The following NDST3 variants were observed in gnomAD, a reference collection of about 807,000 sequenced individuals.
NDST3 encodes N-deacetylase and N-sulfotransferase 3.
Under a neutral mutation model 96.1 loss-of-function variants are expected in NDST3, and 58 were observed. The observed-to-expected ratio is 0.60, with a 90% CI of 0.49 to 0.75. NDST3 has a LOEUF of 0.75. Ranked by LOEUF, NDST3 falls within the 30% of genes least tolerant of loss-of-function variation. NDST3 has a pLI of 0.00. For synonymous variants in NDST3, 333 were observed against 359.7 expected (o/e 0.93, Z 0.84); for missense variants, 788 against 1,034.2 (o/e 0.76, Z 3.27).
chr4:118,143,625 A>G lies in NDST3; in HGVS notation c.1480A>G (p.Lys494Glu), dbSNP rs745607453. 1 of 1,610,782 alleles carries G rather than the reference A, an allele frequency of 6.2e-7. No homozygotes were observed. Among genetic ancestry groups the G allele is most frequent in the Admixed American group, 1.7e-5 (1 of 59,470 alleles). Residue 494 changes from lysine (K) to glutamate (E), a missense_variant, in exon 6 of 14, where the codon AAA (lysine) becomes GAA (glutamate). Physicochemically the swap from Lys to Glu is moderately conservative, Grantham distance 56. Around this residue, in one of 3 missense-constraint regions of NDST3, gnomAD observed 490 missense variants for 708.8 expected, o/e 0.69. Transcript: ENST00000296499. Reference sequence around the variant, plus strand: ...CTACAAAGAATATCCAGGGGGTCCTAAAGAGCTGGATAAGAGTATCCAAGG... The same window carrying G: ...CTACAAAGAATATCCAGGGGGTCCTGAAGAGCTGGATAAGAGTATCCAAGG... ...IFYKEYPGGP[K>E]ELDKSIQGGE...
intron 2 of NDST3, among the ~76,000 whole-genome samples, chr4:118,060,019 G>A (rs963749077): frequency 6.6e-6 from 1 of 152,010 alleles, no homozygotes; most frequent in African/African-American, 2.4e-5. Flanking sequence ...ACTGGATACA[G>A]TATGCCTCAT....
chr4:118,098,196 C>T (rs1159800637), intron 2 of NDST3, among the ~76,000 whole-genome samples: 1 of 151,866 alleles, frequency 6.6e-6, no homozygotes, highest in Non-Finnish European at 1.5e-5. Flanking sequence ...CATGTGAAAT[C>T]TTACAGCTCT....
At chr4:118,129,007 GA>G (rs1294122532) in intron 4 of NDST3, among the ~76,000 whole-genome samples, 1 of 151,946 alleles carries the variant, frequency 6.6e-6, no homozygotes, top group Non-Finnish European at 1.5e-5. Context: ...CTGATCCTTT[GA>G]ATTTCGGCAG....
intron 2 of NDST3, among the ~76,000 whole-genome samples, chr4:118,057,630 C>T (rs1160598837): frequency 6.6e-6 from 1 of 152,022 alleles, no homozygotes; most frequent in Admixed American, 6.6e-5. Context: ...CAGTATAAAA[C>T]CCAACAGCAG....
In NDST3 at chr4:118,240,631, T is replaced by C. The variant is rs1247571861; in HGVS notation, c.2226T>C (p.Cys742=). The C allele has an allele frequency of 1.9e-6, 3 of 1,613,788 alleles. No homozygotes were observed. The highest frequency in any genetic ancestry group is 2.5e-6 in the Non-Finnish European group (3 of 1,179,938). Residue 742 remains cysteine (C), a synonymous_variant, in exon 11 of 14, where the codon TGT becomes TGC. Transcript: ENST00000296499. ...PSELRALQKR[C]LVPGWYASHI... ...AGCTCAGAGCCTTGCAGAAGAGATG[T>C]TTGGTCCCGGGGTGGTATGCCAGCC... is the stretch of plus-strand genomic sequence containing the variant.
intron 4 of NDST3, among the ~76,000 whole-genome samples, chr4:118,131,076 T>C (rs1732570876): frequency 1.3e-5 from 2 of 152,232 alleles, no homozygotes. Context: ...TGCTTGGTGC[T>C]CCATAACCTT....
At chr4:118,126,554 A>T (rs1363309633) in intron 4 of NDST3, among the ~76,000 whole-genome samples, 1 of 133,076 alleles carries the variant, frequency 7.5e-6, no homozygotes, top group East Asian at 2.1e-4. Flanking sequence ...ATATATATAT[A>T]CACCTCATAA....
rs1036945182 is a variant in NDST3, at chr4:118,126,292, T to A, written c.1224+11332T>A. ...ATCTACTATCCTACCCAGTTTCTGG[T>A]AGCCATCCTTCGACTCTCTATCTCC... On this transcript the variant is annotated intron_variant, in intron 4 of 13. Transcript: ENST00000296499. 4.6e-5 allele frequency among the ~76,000 whole-genome samples: 7 copies of A among 151,936 alleles called. No individual in the cohort carries two copies. The East Asian group carries it at 1.4e-3, about 29-fold the overall frequency.
intron 4 of NDST3, among the ~76,000 whole-genome samples, chr4:118,116,240 T>A (rs1044137356): frequency 2.6e-5 from 4 of 152,110 alleles, no homozygotes; most frequent in Non-Finnish European, 5.9e-5. Context: ...GGGGAAAAAA[T>A]TACTTTGTGG....
At chr4:118,168,132 C>A (rs1323068313) in intron 6 of NDST3, among the ~76,000 whole-genome samples, 2 of 151,434 alleles carry the variant, frequency 1.3e-5, no homozygotes, top group Admixed American at 1.3e-4. Context: ...GAAAATGCAA[C>A]CTATGGAATG....
At chr4:118,127,238 T>C (rs952566869) in intron 4 of NDST3, among the ~76,000 whole-genome samples, 1 of 152,030 alleles carries the variant, frequency 6.6e-6, no homozygotes, top group Non-Finnish European at 1.5e-5. Flanking sequence ...TTGCCTGTGC[T>C]TGTGGGGTAT....
chr4:118,235,207 C>A (rs561813973), intron 9 of NDST3, among the ~76,000 whole-genome samples: 15 of 151,838 alleles, frequency 9.9e-5, no homozygotes, highest in Non-Finnish European at 1.6e-4. Flanking sequence ...TGCTTTTAAC[C>A]CTGAATTGTT....
chr4:118,234,206 GT>G (rs1251044319), intron 9 of NDST3, among the ~76,000 whole-genome samples: 1 of 152,154 alleles, frequency 6.6e-6, no homozygotes, highest in African/African-American at 2.4e-5. Flanking sequence ...GAAGTCAGGA[GT>G]TTGAGACTAG....
chr4:118,079,806 G>A (rs1170127626), intron 2 of NDST3, among the ~76,000 whole-genome samples: 1 of 152,204 alleles, frequency 6.6e-6, no homozygotes, highest in African/African-American at 2.4e-5. Flanking sequence ...GACCCAACAA[G>A]TGATAGCGGT....
chr4:118,193,801 C>T, intron 6 of NDST3: 3 of 1,486,914 alleles, frequency 2.0e-6, no homozygotes, highest in Non-Finnish European at 1.8e-6. Context: ...TCAGATGACA[C>T]ATGGCCAGGT....
At chr4:118,215,854 T>TA (rs1358804020) in intron 6 of NDST3, among the ~76,000 whole-genome samples, 1 of 152,056 alleles carries the variant, frequency 6.6e-6, no homozygotes, top group Non-Finnish European at 1.5e-5. Flanking sequence ...CACTCCCTGT[T>TA]AATTAGGGGA....
chr4:118,119,495 G>A (rs910063189), intron 4 of NDST3, among the ~76,000 whole-genome samples: 2 of 152,054 alleles, frequency 1.3e-5, no homozygotes, highest in East Asian at 1.9e-4. Context: ...AATTCCAGTC[G>A]GGTTGCAAAG....
intron 6 of NDST3, among the ~76,000 whole-genome samples, chr4:118,165,812 C>T (rs903446887): frequency 2.0e-5 from 3 of 151,608 alleles, no homozygotes; most frequent in Non-Finnish European, 4.4e-5. Flanking sequence ...TCTTCAATAA[C>T]AATTTGGGTA....
At chr4:118,095,659 A>G in intron 2 of NDST3, among the ~76,000 whole-genome samples, 1 of 151,720 alleles carries the variant, frequency 6.6e-6, no homozygotes, top group East Asian at 1.9e-4. Context: ...GTATTGTGCC[A>G]CTACAACCTC....
Sources: gnomAD v4.1 joint callset for allele counts (sites outside exome capture counted in the v4.1 genomes callset) on GRCh38, gnomAD v4.1.1 for gene constraint, gnomAD v4.1.1 regional missense constraint, MANE v1.5 for transcripts, NCBI Gene and HGNC (gene_info 2026-07-23, HGNC 2026-07-21) for gene names.